The following PLEKHM2 variants were observed in gnomAD, a reference collection of about 807,000 sequenced individuals.
PLEKHM2 encodes pleckstrin homology domain-containing family M member 2.
PLEKHM2 carries 77 observed loss-of-function variants against 116.3 expected under a neutral mutation model. The ratio of observed to expected loss-of-function variants is 0.66; its 90% CI spans 0.55 to 0.80. The LOEUF (loss-of-function observed/expected upper bound fraction) is 0.80. Ranked by LOEUF, PLEKHM2 falls within the 30% of genes least tolerant of loss-of-function variation. The pLI is 0.00. For missense variants in PLEKHM2, 1,183 were observed against 1,354.9 expected, an observed-to-expected ratio of 0.87 and a Z score of 1.99; for synonymous variants, 562 against 571.0, an observed-to-expected ratio of 0.98 and a Z score of 0.22.
In PLEKHM2 at chr1:15,716,335, G is replaced by A. The variant is rs777517195; in HGVS notation, c.159G>A (p.Leu53=). ...TGTGTGAGCACCTGGACCACGCCCT[G>A]CTGTACGGGTAAGGTGGAGGAAGTT... is the stretch of plus-strand genomic sequence containing the variant. ...QRLCEHLDHA[L]LYGLQDLSSG... is the part of the protein sequence containing the mutation. Residue 53 remains leucine (L), a synonymous_variant, in exon 2 of 20, where the codon CTG becomes CTA. Transcript: ENST00000375799. 1.3e-6 allele frequency: 2 copies of A among 1,590,878 alleles called. No homozygotes were observed. Among genetic ancestry groups the A allele is most frequent in the Admixed American group, 1.7e-5 (1 of 57,362 alleles).
In PLEKHM2 at chr1:15,727,477, G is replaced by T. The variant is rs748904369; in HGVS notation, c.1405G>T (p.Val469Phe). Residue 469 changes from valine to phenylalanine, a missense_variant, in exon 9 of 20, where the codon GTC becomes TTC. Around this residue, in one of 3 missense-constraint regions of PLEKHM2, gnomAD observed 372 missense variants for 357.2 expected, o/e 1.04. Transcript: ENST00000375799. This position sits in a 1 kb window ranked among gnomAD's most constrained non-coding sequence, Gnocchi z 7.5. The part of the protein sequence containing the change: ...SAPMDFYRFT[V>F]ESPSTVTSGG... The stretch of plus-strand genomic sequence containing the variant: ...CCCAATGGACTTCTACCGCTTTACC[G>T]TCGAGAGTCCAAGCACTGTTACATC... 5 of 1,599,368 alleles carry T rather than the reference G, an allele frequency of 3.1e-6. No individual in the cohort carries two copies. Among genetic ancestry groups the T allele is most frequent in the Non-Finnish European group, 2.6e-6 (3 of 1,173,700 alleles).
At chr1:15,716,460 G>A (rs1557653052) in intron 2 of PLEKHM2, 117 bp downstream of exon 2, 3 of 722,890 alleles carry the variant, frequency 4.2e-6, no homozygotes, top group Non-Finnish European at 6.9e-6. Context: ...GGCAGAAAGG[G>A]ATTTGTCCCA....
Position 15,730,664 on chromosome 1 carries a change from A to G in PLEKHM2, c.2341A>G (p.Lys781Glu), listed in dbSNP as rs1328609063. 6.2e-7 allele frequency: 1 copy of G among 1,610,194 alleles called. No individual in the cohort carries two copies. The highest frequency in any genetic ancestry group is 8.5e-7 in the Non-Finnish European group (1 of 1,178,466). The change falls in exon 15 of 20, where the codon AAG (lysine) becomes GAG (glutamate). Residue 781 changes from lysine (K) to glutamate (E), a missense_variant. Transcript: ENST00000375799. ...CACCAAAGAAGGCATGCTGCACTAC[A>G]AGGCGGGCACCTCCTACCTGGGCAA... ...TITKEGMLHYKAGTSYLGKEH... is the reference protein window; with the variant it reads ...TITKEGMLHYEAGTSYLGKEH...
chr1:15,716,121 G>C (rs565171325), intron 1 of PLEKHM2, 116 bp from the exon 2 acceptor site: 1 of 652,080 alleles, frequency 1.5e-6, no homozygotes, highest in African/African-American at 1.8e-5. Context: ...CGTCTCTGCT[G>C]GTCATTGTGG....
At chr1:15,686,195 T>G (rs930186522) in intron 1 of PLEKHM2, among the ~76,000 whole-genome samples, 5 of 152,136 alleles carry the variant, frequency 3.3e-5, no homozygotes, top group African/African-American at 7.2e-5. Context: ...TGCATATAAT[T>G]GTAGGTGTTT....
intron 1 of PLEKHM2, among the ~76,000 whole-genome samples, chr1:15,704,515 A>G (rs1309655498): frequency 6.6e-6 from 1 of 152,246 alleles, no homozygotes; most frequent in Non-Finnish European, 1.5e-5. Context: ...TTGTTAAAAA[A>G]TGAGGATTCT....
At chr1:15,700,103 A>G (rs557089958) in intron 1 of PLEKHM2, among the ~76,000 whole-genome samples, 26 of 152,200 alleles carry the variant, frequency 1.7e-4, no homozygotes, top group African/African-American at 5.1e-4. Flanking sequence ...TTGACATCTC[A>G]TGTTGTCTAG....
chr1:15,727,315 G>C lies in PLEKHM2; in HGVS notation c.1243G>C (p.Asp415His). The change falls in exon 9 of 20, where the codon GAC (aspartate) becomes CAC (histidine). Residue 415 changes from aspartate to histidine, a missense_variant. Transcript: ENST00000375799. The surrounding 1 kb of genome is among the most constrained non-coding windows in gnomAD (Gnocchi z 7.5). ...GGGGCAGCCCCTGAGCAAGGTTATC[G>C]ACCAGCTCAACGGGCAGCTGGACCC... Reference protein sequence around the residue: ...RLGQPLSKVIDQLNGQLDPST... With the variant: ...RLGQPLSKVIHQLNGQLDPST... 1 of 1,602,016 alleles carries C rather than the reference G, an allele frequency of 6.2e-7. No homozygotes were observed. Among genetic ancestry groups the C allele is most frequent in the Non-Finnish European group, 8.5e-7 (1 of 1,175,264 alleles).
chr1:15,729,796 G>C lies in PLEKHM2; in HGVS notation c.2076-1G>C. The C allele has an allele frequency of 6.2e-7, 1 of 1,611,578 alleles. No individual in the cohort carries two copies. ...AACCACAAACCTCACTCCCTATGCA[G>C]GTTCTTTTTGGCTTCTTTGAAGTCA... On this transcript the variant is annotated splice_acceptor_variant, in intron 13 of 19. Transcript: ENST00000375799. LOFTEE classifies it high-confidence loss of function. The surrounding 1 kb of genome is among the most constrained non-coding windows in gnomAD (Gnocchi z 4.7).
At position 15,727,348 on chromosome 1, in the gene PLEKHM2, T is replaced by C. The variant is rs1423594854; in HGVS notation, c.1276T>C (p.Trp426Arg). ...CAACGGGCAGCTGGACCCCAGCACC[T>C]GGTGCTCCCGTGCTGAGCCCCCAGA... Reference protein sequence around the residue: ...QLNGQLDPSTWCSRAEPPDQS... With the variant: ...QLNGQLDPSTRCSRAEPPDQS... The change falls in exon 9 of 20, where the codon TGG (tryptophan) becomes CGG (arginine). Residue 426 changes from tryptophan to arginine, a missense_variant. Physicochemically the swap from Trp to Arg is moderately radical, Grantham distance 101 (BLOSUM62 -3). This residue lies in a region of PLEKHM2 where 372 missense variants were observed against 357.2 expected (regional missense o/e 1.04). Transcript: ENST00000375799. The surrounding 1 kb of genome is among the most constrained non-coding windows in gnomAD (Gnocchi z 7.5). 1 of 1,597,266 alleles carries C rather than the reference T, an allele frequency of 6.3e-7. No individual in the cohort carries two copies. The highest frequency in any genetic ancestry group is 8.5e-7 in the Non-Finnish European group (1 of 1,172,758).
chr1:15,694,762 T>G (rs1391910722), intron 1 of PLEKHM2, among the ~76,000 whole-genome samples: 5 of 151,822 alleles, frequency 3.3e-5, no homozygotes, highest in African/African-American at 9.7e-5. Context: ...TTTTGTTTTT[T>G]TTTTTTGTTT....
chr1:15,731,738 C>T (rs1044066630), intron 16 of PLEKHM2, 151 bp from the exon 17 acceptor site: 25 of 645,672 alleles, frequency 3.9e-5, no homozygotes, highest in Non-Finnish European at 6.3e-5. Context: ...CTCCTGGGAG[C>T]TGGAGGGGCC....
In PLEKHM2 at chr1:15,727,077, A is replaced by C; in HGVS notation, c.1005A>C (p.Pro335=). The change falls in exon 9 of 20, where the codon CCA becomes CCC. Residue 335 remains proline (P), a synonymous_variant. Transcript: ENST00000375799. The surrounding 1 kb of genome is among the most constrained non-coding windows in gnomAD (Gnocchi z 7.5). ...KKSRSDEEAS[P]LHPACSQKKC... The stretch of plus-strand genomic sequence containing the variant: ...GCAGATCAGATGAGGAGGCAAGTCC[A>C]CTCCACCCCGCCTGCAGCCAGAAGA... 6.6e-7 allele frequency: 1 copy of C among 1,519,326 alleles called. No homozygotes were observed. Among genetic ancestry groups the C allele is most frequent in the Non-Finnish European group, 8.8e-7 (1 of 1,134,874 alleles). 94.1% of individuals were successfully genotyped at this position (1,519,326 alleles called of 1,614,324 possible). A position where few individuals can be genotyped will look rare whatever the true frequency, so the allele number is the denominator to read the frequency against.
chr1:15,733,870 A>G lies in PLEKHM2; in HGVS notation c.2996A>G (p.His999Arg). 6.2e-7 allele frequency: 1 copy of G among 1,612,972 alleles called. No individual in the cohort carries two copies. The highest frequency in any genetic ancestry group is 8.5e-7 in the Non-Finnish European group (1 of 1,179,828). The change falls in exon 20 of 20, where the codon CAC (histidine) becomes CGC (arginine). Residue 999 changes from histidine (H) to arginine (R), a missense_variant. Transcript: ENST00000375799. ...TTCGAGGATGCCTTGAGCCTCATCC[A>G]CAGCGCCTGGCAGCGGAGCGACAGT... ...KKFEDALSLI[H>R]SAWQRSDSLC...
chr1:15,711,629 GA>G (rs922392103), intron 1 of PLEKHM2, among the ~76,000 whole-genome samples: 28 of 147,982 alleles, frequency 1.9e-4, no homozygotes, highest in African/African-American at 7.0e-4. Flanking sequence ...AAAAAAAAAA[GA>G]AAAAAGAAAA....
intron 1 of PLEKHM2, among the ~76,000 whole-genome samples, chr1:15,692,320 C>T (rs761627640): frequency 3.3e-5 from 5 of 152,202 alleles, no homozygotes; most frequent in African/African-American, 4.8e-5. Flanking sequence ...AAAATAGTAT[C>T]TACACACACG....
intron 1 of PLEKHM2, among the ~76,000 whole-genome samples, chr1:15,685,397 A>T (rs994399377): frequency 6.6e-6 from 1 of 152,056 alleles, no homozygotes; most frequent in African/African-American, 2.4e-5. Context: ...CTGGATATAA[A>T]AATAATAATA....
At chr1:15,713,197 C>T (rs1393792373) in intron 1 of PLEKHM2, among the ~76,000 whole-genome samples, 1 of 152,182 alleles carries the variant, frequency 6.6e-6, no homozygotes, top group Non-Finnish European at 1.5e-5. Context: ...AAACGATCCT[C>T]CTGCCTCGGG....
chr1:15,689,921 T>G (rs911456440), intron 1 of PLEKHM2, among the ~76,000 whole-genome samples: 1 of 152,110 alleles, frequency 6.6e-6, no homozygotes, highest in Non-Finnish European at 1.5e-5. Context: ...TACGCCTGGC[T>G]AATTTTGTAT....
Sources: gnomAD v4.1 joint callset for allele counts (sites outside exome capture counted in the v4.1 genomes callset) on GRCh38, gnomAD v4.1.1 for gene constraint, gnomAD v4.1.1 regional missense constraint, Gnocchi (gnomAD v3.1) non-coding constraint, MANE v1.5 for transcripts, NCBI Gene and HGNC (gene_info 2026-07-23, HGNC 2026-07-21) for gene names.